Variants in OR10A2 observed in about 807,000 individuals in gnomAD.
OR10A2 encodes olfactory receptor 10A2.
In OR10A2, 15 loss-of-function variants were observed where a neutral mutation model predicts 13.7. The ratio of observed to expected loss-of-function variants is 1.10; its 90% confidence interval spans 0.73 to 1.69. The LOEUF (loss-of-function observed/expected upper bound fraction) is 1.69. Ranked by LOEUF, OR10A2 falls within the 40% of genes most tolerant of loss-of-function variation. OR10A2 has a pLI of 0.00. For synonymous variants in OR10A2, 145 were observed against 144.7 expected (o/e 1.00, Z -0.02); for missense variants, 343 against 361.1 (o/e 0.95, Z 0.41).
At position 6,864,305 on chromosome 11, in the gene OR10A2, C is replaced by CAA. The variant is rs5789482; in HGVS notation, c.-133+963_-133+964dup. Among the ~76,000 whole-genome samples the CAA allele has an allele frequency of 4.5e-3, 647 of 142,248 alleles. 2 individuals carry two copies. Among genetic ancestry groups the CAA allele is most frequent in the Middle Eastern group, 0.014 (4 of 278 alleles). The allele number at this position is 142,248 out of a possible 152,430, so 93.3% of individuals were successfully genotyped here. A position where few individuals can be genotyped will look rare whatever the true frequency, so the allele number is the denominator to read the frequency against. On this transcript the variant is annotated intron_variant, in intron 1 of 1. Coordinates refer to ENST00000641461, the MANE Select transcript of OR10A2 (RefSeq NM_001004460.2). ...GCTTCTAGTTAAAGTGCGGTTCTAA[C>CAA]AAAAAAAAAAGAACAGTCATTGAGA... is the stretch of plus-strand genomic sequence containing the variant.
Position 6,872,986 on chromosome 11 carries a change from A to AT in OR10A2, c.*2330dup, listed in dbSNP as rs11452256. ...AGGCGTGCCAAGCCATGCCCAACTAATTTTTTTTTTGTATTTTTTAGTAGA... is the reference window on the plus strand; with the variant it reads ...AGGCGTGCCAAGCCATGCCCAACTAATTTTTTTTTTTGTATTTTTTAGTAGA... On this transcript the variant is annotated 3_prime_UTR_variant, in exon 2 of 2. Coordinates refer to ENST00000641461, the MANE Select transcript of OR10A2 (RefSeq NM_001004460.2). 0.61 allele frequency: 91,349 copies of AT among 148,980 alleles called. 27,977 individuals carry two copies. The highest frequency in any genetic ancestry group is 0.71 in the East Asian group (3,579 of 5,040). 9.2% of individuals were successfully genotyped at this position (148,980 alleles called of 1,614,324 possible).
In OR10A2 at chr11:6,869,871, C is replaced by T; in HGVS notation, c.117C>T (p.Asp39=). The change falls in exon 2 of 2, where the codon GAC becomes GAT. Residue 39 remains aspartate (D), a synonymous_variant. Coordinates refer to ENST00000641461, the MANE Select transcript of OR10A2 (RefSeq NM_001004460.2). ...NCLIILVTLA[D]PMLHSPMYFF... ...TCATCATTCTGGTTACCCTAGCTGA[C>T]CCCATGCTACACAGCCCCATGTACT... The T allele has an allele frequency of 6.2e-7, 1 of 1,614,142 alleles. No homozygotes were observed. The highest frequency in any genetic ancestry group is 8.5e-7 in the Non-Finnish European group (1 of 1,179,976).
Position 6,870,917 on chromosome 11 carries a change from T to G in OR10A2, c.*251T>G, listed in dbSNP as rs970893501. ...GTTTCAACTGGTATGACAGCACTTC[T>G]GTGGCCAACTATTTCCAGGTGTTAT... On this transcript the variant is annotated 3_prime_UTR_variant, in exon 2 of 2. Transcript: ENST00000641461. The G allele has an allele frequency of 5.8e-6, 2 of 347,316 alleles. No individual in the cohort carries two copies. Among genetic ancestry groups the G allele is most frequent in the Admixed American group, 4.2e-5 (1 of 23,570 alleles). 21.5% of individuals were successfully genotyped at this position (347,316 alleles called of 1,614,324 possible).
At chr11:6,864,345 T>G (rs1056885858) in intron 1 of OR10A2, among the ~76,000 whole-genome samples, 3 of 151,256 alleles carry the variant, frequency 2.0e-5, no homozygotes, top group Non-Finnish European at 2.9e-5. Context: ...AAAATTCTAA[T>G]AGTGAATAAA....
At chr11:6,864,329 G>GA (rs11462351) in intron 1 of OR10A2, among the ~76,000 whole-genome samples, 68,614 of 151,134 alleles carry the variant, frequency 0.45, 17,509 homozygotes, top group African/African-American at 0.71. Context: ...CAGTCATTGA[G>GA]AAAAAAAAAT....
At chr11:6,869,145 C>G (rs1848402997) in intron 1 of OR10A2, among the ~76,000 whole-genome samples, 1 of 152,098 alleles carries the variant, frequency 6.6e-6, no homozygotes, top group Non-Finnish European at 1.5e-5. Context: ...CATGTATAAA[C>G]CAGAGATATA....
At position 6,871,141 on chromosome 11, in the gene OR10A2, GT is replaced by G. The variant is rs1237946653; in HGVS notation, c.*478del. ...TTTGTATTTTTTTAGTAGAGACAGG[GT>G]TTCACCGTGTTAGCCAGGATGGTCT... is the stretch of plus-strand genomic sequence containing the variant. On this transcript the variant is annotated 3_prime_UTR_variant, in exon 2 of 2. Transcript: ENST00000641461. 1 of 153,530 alleles carries G rather than the reference GT, an allele frequency of 6.5e-6. No homozygotes were observed. The highest frequency in any genetic ancestry group is 2.4e-5 in the African/African-American group (1 of 41,370). The allele number at this position is 153,530 out of a possible 1,614,324, so 9.5% of individuals were successfully genotyped here. A position where few individuals can be genotyped will look rare whatever the true frequency, so the allele number is the denominator to read the frequency against.
At position 6,871,369 on chromosome 11, in the gene OR10A2, C is replaced by A. The variant is rs564188677; in HGVS notation, c.*703C>A. Reference sequence around the variant, plus strand: ...TAAAAATCATCTTGTCACTTTTCCTCTTCTGGGCAGATCTGACTCTACATT... The same window carrying A: ...TAAAAATCATCTTGTCACTTTTCCTATTCTGGGCAGATCTGACTCTACATT... On this transcript the variant is annotated 3_prime_UTR_variant, in exon 2 of 2. Transcript: ENST00000641461. The A allele has an allele frequency of 6.6e-6, 1 of 151,932 alleles. No individual in the cohort carries two copies. Among genetic ancestry groups the A allele is most frequent in the South Asian group, 2.1e-4 (1 of 4,772 alleles). The allele number at this position is 151,932 out of a possible 1,614,324, so 9.4% of individuals were successfully genotyped here. A position where few individuals can be genotyped will look rare whatever the true frequency, so the allele number is the denominator to read the frequency against.
Position 6,871,397 on chromosome 11 carries a change from T to C in OR10A2, c.*731T>C, listed in dbSNP as rs1015112563. 1.5e-5 allele frequency: 2 copies of C among 133,348 alleles called. No individual in the cohort carries two copies. The highest frequency in any genetic ancestry group is 3.5e-5 in the Non-Finnish European group (2 of 57,722). 8.3% of individuals were successfully genotyped at this position (133,348 alleles called of 1,614,324 possible). On this transcript the variant is annotated 3_prime_UTR_variant, in exon 2 of 2. Transcript: ENST00000641461. ...CTGGGCAGATCTGACTCTACATTCA[T>C]GACAGAAAATCTCATGATCTTTCCC...
Position 6,870,614 on chromosome 11 carries a change from C to T in OR10A2, c.860C>T (p.Ala287Val), listed in dbSNP as rs1314443698. 1.2e-6 allele frequency: 2 copies of T among 1,611,592 alleles called. No individual in the cohort carries two copies. The highest frequency in any genetic ancestry group is 1.7e-6 in the Non-Finnish European group (2 of 1,178,706). ...YSLRNNEVKNALSRTVSKALA... is the reference protein window; with the variant it reads ...YSLRNNEVKNVLSRTVSKALA... Reference sequence around the variant, plus strand: ...CTGAGAAATAACGAGGTGAAGAATGCCCTCAGCAGGACGGTCTCTAAGGCC... The same window carrying T: ...CTGAGAAATAACGAGGTGAAGAATGTCCTCAGCAGGACGGTCTCTAAGGCC... The change falls in exon 2 of 2, where the codon GCC (alanine) becomes GTC (valine). Residue 287 changes from alanine (A) to valine (V), a missense_variant. Transcript: ENST00000641461.
intron 1 of OR10A2, among the ~76,000 whole-genome samples, chr11:6,865,741 A>G (rs575667772): frequency 6.6e-6 from 1 of 152,292 alleles, no homozygotes; most frequent in African/African-American, 2.4e-5. Context: ...AATTCTTTTT[A>G]TCAGTTTTTT....
At chr11:6,866,349 A>C (rs1305508960) in intron 1 of OR10A2, among the ~76,000 whole-genome samples, 1 of 152,070 alleles carries the variant, frequency 6.6e-6, no homozygotes, top group Non-Finnish European at 1.5e-5. Flanking sequence ...TGCGGGCTGC[A>C]TGCAGACCAG....
Position 6,872,677 on chromosome 11 carries a change from G to A in OR10A2, c.*2011G>A, listed in dbSNP as rs946271658. On this transcript the variant is annotated 3_prime_UTR_variant, in exon 2 of 2. Transcript: ENST00000641461. ...TTAAAAATTTTTTTTTAGTAGAGACGAGGTCTTGCTATGCTACCCAGTCTG... is the reference window on the plus strand; with the variant it reads ...TTAAAAATTTTTTTTTAGTAGAGACAAGGTCTTGCTATGCTACCCAGTCTG... The A allele has an allele frequency of 4.6e-5, 7 of 152,062 alleles. No homozygotes were observed. The highest frequency in any genetic ancestry group is 8.8e-5 in the Non-Finnish European group (6 of 68,038). 9.4% of individuals were successfully genotyped at this position (152,062 alleles called of 1,614,324 possible).
chr11:6,870,487 A>C lies in OR10A2; in HGVS notation c.733A>C (p.Thr245Pro), dbSNP rs1848421026. The change falls in exon 2 of 2, where the codon ACC becomes CCC. Residue 245 changes from threonine (T) to proline (P), a missense_variant. By Grantham distance (38) the Thr-to-Pro change is conservative. Coordinates refer to ENST00000641461, the MANE Select transcript of OR10A2 (RefSeq NM_001004460.2). ...TCTTTTCTATATATCATTAAGCCTC[A>C]CCTACTTCCGGCCTAAATCAAATAA... ...VSLFYISLSL[T>P]YFRPKSNNSP... is the part of the protein sequence containing the mutation. 6.2e-7 allele frequency: 1 copy of C among 1,614,064 alleles called. No homozygotes were observed.
rs1848408636 is a variant in OR10A2 at position 6,869,694 on chromosome 11, G to A, written c.-61G>A. 5 of 1,358,562 alleles carry A rather than the reference G, an allele frequency of 3.7e-6. No individual in the cohort carries two copies. The South Asian group carries it at 6.2e-5, about 17-fold the overall frequency. The allele number at this position is 1,358,562 out of a possible 1,614,324, so 84.2% of individuals were successfully genotyped here. On this transcript the variant is annotated 5_prime_UTR_variant, in exon 2 of 2. Coordinates refer to ENST00000641461, the MANE Select transcript of OR10A2 (RefSeq NM_001004460.2). ...TAATCTTTCTCCATGACCACAGTTG[G>A]GGACTTCTGCCCACACTTATAGCTA...
intron 1 of OR10A2, among the ~76,000 whole-genome samples, chr11:6,866,165 T>C (rs1320724241): frequency 5.9e-5 from 9 of 152,350 alleles, no homozygotes; most frequent in African/African-American, 1.7e-4. Context: ...AATTTGAGGC[T>C]ATTATGAATA....
intron 1 of OR10A2, among the ~76,000 whole-genome samples, chr11:6,868,043 C>T (rs576235094): frequency 3.9e-5 from 6 of 152,208 alleles, no homozygotes; most frequent in African/African-American, 1.2e-4. Flanking sequence ...AGCCACCACG[C>T]CTGGCCTACA....
chr11:6,868,406 G>A (rs932109487), intron 1 of OR10A2, among the ~76,000 whole-genome samples: 3 of 152,030 alleles, frequency 2.0e-5, no homozygotes, highest in African/African-American at 7.2e-5. Context: ...TTCTTGATCC[G>A]AGGCCTACAG....
chr11:6,866,595 T>C (rs1217700243), intron 1 of OR10A2, among the ~76,000 whole-genome samples: 1 of 152,172 alleles, frequency 6.6e-6, no homozygotes, highest in African/African-American at 2.4e-5. Flanking sequence ...CCCATTCTTA[T>C]ATGTGTGTAG....
Sources: allele counts gnomAD v4.1 joint callset (sites outside exome capture counted in the v4.1 genomes callset), GRCh38; gene constraint gnomAD v4.1.1; transcripts MANE v1.5; gene names NCBI Gene and HGNC (gene_info 2026-07-23, HGNC 2026-07-21).